The following FBXL17 variants were observed in gnomAD, a reference collection of about 807,000 sequenced individuals.
FBXL17 encodes F-box/LRR-repeat protein 17.
In FBXL17, 22 loss-of-function variants were observed where a neutral mutation model predicts 66.2. The ratio of observed to expected loss-of-function variants is 0.33; its 90% confidence interval spans 0.24 to 0.47. FBXL17 has a LOEUF of 0.47. Ranked by LOEUF, FBXL17 falls within the 20% of genes least tolerant of loss-of-function variation. The pLI, the probability that FBXL17 is intolerant of heterozygous loss-of-function variation, is 1.00. For missense variants in FBXL17, 878 were observed against 948.2 expected (o/e 0.93, Z 0.97); for synonymous variants, 474 against 400.5 (o/e 1.18, Z -2.19).
intron 6 of FBXL17, among the ~76,000 whole-genome samples, chr5:108,184,025 G>A (rs543124337): frequency 6.6e-6 from 1 of 152,250 alleles, no homozygotes; most frequent in African/African-American, 2.4e-5. Flanking sequence ...CACATAAAGA[G>A]TAATTCAGGG....
intron 8 of FBXL17, among the ~76,000 whole-genome samples, chr5:107,867,694 G>A (rs1053419724): frequency 6.6e-6 from 1 of 152,206 alleles, no homozygotes; most frequent in Non-Finnish European, 1.5e-5. Flanking sequence ...CTGATTTCTT[G>A]GGCTTTGGGA....
At chr5:108,339,971 A>C (rs1746769036) in intron 4 of FBXL17, among the ~76,000 whole-genome samples, 1 of 152,192 alleles carries the variant, frequency 6.6e-6, no homozygotes, top group African/African-American at 2.4e-5. Flanking sequence ...AATGCATTCC[A>C]AAGAAAAATT....
intron 6 of FBXL17, among the ~76,000 whole-genome samples, chr5:108,116,319 T>C (rs1328491576): frequency 6.6e-6 from 1 of 152,006 alleles, no homozygotes; most frequent in Non-Finnish European, 1.5e-5. Context: ...GTAGTGAATA[T>C]CATTAATTCA....
At chr5:108,361,803 C>T (rs1437040897) in intron 3 of FBXL17, among the ~76,000 whole-genome samples, 2 of 152,102 alleles carry the variant, frequency 1.3e-5, no homozygotes, top group Non-Finnish European at 2.9e-5. Context: ...ATCAGCCCTT[C>T]AAATAGCTCT....
chr5:108,037,774 T>G lies in FBXL17; in HGVS notation c.1746-16773A>C, dbSNP rs1043826195. Among the ~76,000 whole-genome samples the G allele has an allele frequency of 2.0e-5, 3 of 152,216 alleles. No homozygotes were observed. In the East Asian group the frequency reaches 5.8e-4, roughly 29 times the overall value. On this transcript the variant is annotated intron_variant, in intron 6 of 8. Coordinates refer to ENST00000542267, the MANE Select transcript of FBXL17 (RefSeq NM_001163315.3). ...AATGCTGTATGTAAAGAGTTTAGAA[T>G]AGTGCCTTGGATACATTGGTACATG...
At chr5:107,869,243 C>A (rs1382236485) in intron 8 of FBXL17, among the ~76,000 whole-genome samples, 1 of 152,174 alleles carries the variant, frequency 6.6e-6, no homozygotes, top group Non-Finnish European at 1.5e-5. Context: ...TGGGACAATA[C>A]GCCTCTGGAG....
intron 4 of FBXL17, among the ~76,000 whole-genome samples, chr5:108,288,900 T>A (rs531562895): frequency 6.6e-6 from 1 of 152,102 alleles, no homozygotes; most frequent in Non-Finnish European, 1.5e-5. Context: ...TTTAATTACT[T>A]GAATGAAGTA....
intron 4 of FBXL17, among the ~76,000 whole-genome samples, chr5:108,224,927 C>A (rs1755036299): frequency 6.6e-6 from 1 of 152,036 alleles, no homozygotes. Context: ...CACACCCAAC[C>A]AATATATATT....
At chr5:108,281,471 A>C (rs1384711071) in intron 4 of FBXL17, among the ~76,000 whole-genome samples, 1 of 151,964 alleles carries the variant, frequency 6.6e-6, no homozygotes, top group Admixed American at 6.6e-5. Flanking sequence ...GGAAATTAAA[A>C]TTTTTTGAAA....
chr5:108,055,461 T>C (rs1487895744), intron 6 of FBXL17, among the ~76,000 whole-genome samples: 1 of 151,080 alleles, frequency 6.6e-6, no homozygotes, highest in Non-Finnish European at 1.5e-5. Context: ...TACAAAAAAT[T>C]AGCTGGGTAT....
At chr5:107,964,816 T>C (rs1335486448) in intron 7 of FBXL17, among the ~76,000 whole-genome samples, 2 of 152,134 alleles carry the variant, frequency 1.3e-5, no homozygotes, top group African/African-American at 2.4e-5. Context: ...GGCTGGCTAA[T>C]TGGGGAAACT....
chr5:107,866,655 T>C (rs950347907), intron 8 of FBXL17, among the ~76,000 whole-genome samples: 3 of 152,206 alleles, frequency 2.0e-5, no homozygotes, highest in African/African-American at 7.2e-5. Context: ...TCCTCAATGA[T>C]ACCTACTGTT....
At position 108,037,547 on chromosome 5, in the gene FBXL17, T is replaced by A. The variant is rs575964828; in HGVS notation, c.1746-16546A>T. 4.6e-5 allele frequency among the ~76,000 whole-genome samples: 7 copies of A among 152,330 alleles called. No homozygotes were observed. The South Asian group carries it at 1.0e-3, about 23-fold the overall frequency. On this transcript the variant is annotated intron_variant, in intron 6 of 8. Transcript: ENST00000542267. The stretch of plus-strand genomic sequence containing the variant: ...TTACTTGAGGTACCTGGAACATACC[T>A]AACTCTTTTTAGTTTAATTCAGAAG...
chr5:108,329,422 T>C (rs78227540), intron 4 of FBXL17, among the ~76,000 whole-genome samples: 1,586 of 152,222 alleles, frequency 0.01, 33 homozygotes, highest in African/African-American at 0.035. Flanking sequence ...TTCCCTAGTA[T>C]TAAGACCAGG....
intron 4 of FBXL17, among the ~76,000 whole-genome samples, chr5:108,238,283 A>G (rs1277183165): frequency 6.6e-6 from 1 of 152,228 alleles, no homozygotes; most frequent in African/African-American, 2.4e-5. Context: ...ATCTAAAAGC[A>G]GATTATTTAA....
At chr5:107,862,168 C>T (rs1422012355) in intron 8 of FBXL17, among the ~76,000 whole-genome samples, 11 of 151,804 alleles carry the variant, frequency 7.2e-5, no homozygotes, top group Non-Finnish European at 1.0e-4. Flanking sequence ...AAATCTAGTG[C>T]TTGGGAGGTA....
chr5:108,276,587 T>C (rs1411235725), intron 4 of FBXL17, among the ~76,000 whole-genome samples: 1 of 152,124 alleles, frequency 6.6e-6, no homozygotes, highest in Non-Finnish European at 1.5e-5. Flanking sequence ...TCTGACAAGC[T>C]ACCTAGCAGT....
In FBXL17 at chr5:108,276,940, CT is replaced by C. The variant is rs543703686; in HGVS notation, c.1507-52713del. The stretch of plus-strand genomic sequence containing the variant: ...ATTTTTTCTCTAGGCAATTAGAGGA[CT>C]TTTTTTTTTCATTTAATCTATATTT... On this transcript the variant is annotated intron_variant, in intron 4 of 8. Coordinates refer to ENST00000542267, the MANE Select transcript of FBXL17 (RefSeq NM_001163315.3). 1.3e-3 allele frequency among the ~76,000 whole-genome samples: 193 copies of C among 149,046 alleles called. 5 individuals carry two copies. In the South Asian group the frequency reaches 0.033, roughly 26 times the overall value.
intron 4 of FBXL17, among the ~76,000 whole-genome samples, chr5:108,237,708 G>A (rs7708210): frequency 7.6e-4 from 115 of 152,086 alleles, no homozygotes; most frequent in African/African-American, 2.4e-3. Flanking sequence ...GGAATATTTC[G>A]GCCTCAAGGA....
Sources: gnomAD v4.1 joint callset for allele counts (sites outside exome capture counted in the v4.1 genomes callset) on GRCh38, gnomAD v4.1.1 for gene constraint, MANE v1.5 for transcripts, NCBI Gene and HGNC (gene_info 2026-07-23, HGNC 2026-07-21) for gene names.